SH2D3C: variants seen among roughly 807,000 people sequenced by gnomAD.
SH2D3C encodes the protein SH2 domain containing 3C.
In SH2D3C, 25 loss-of-function variants were observed where a neutral mutation model predicts 75.2. That is an observed-to-expected ratio of 0.33 (90% confidence interval 0.24 to 0.46). SH2D3C has a LOEUF of 0.46. Ranked by LOEUF, SH2D3C falls within the 20% of genes least tolerant of loss-of-function variation. The pLI, the probability that SH2D3C is intolerant of heterozygous loss-of-function variation, is 1.00. For synonymous variants in SH2D3C, 450 were observed against 473.7 expected, an observed-to-expected ratio of 0.95 and a Z score of 0.65; for missense variants, 933 against 1,165.3, an observed-to-expected ratio of 0.80 and a Z score of 2.90.
intron 3 of SH2D3C, among the ~76,000 whole-genome samples, chr9:127,756,854 G>A (rs1038049849): frequency 4.6e-5 from 7 of 151,560 alleles, no homozygotes; most frequent in Non-Finnish European, 5.9e-5. Flanking sequence ...CCGTGGTCTC[G>A]ATCTCCTGAC....
Position 127,777,710 on chromosome 9 carries a change from G to T in SH2D3C, c.37+881C>A, listed in dbSNP as rs576553299. ...TGGACTGCAGAGATCGAGAGACGCG[G>T]TGGGGAGACAAAGAGACGGATAAAG... On this transcript the variant is annotated intron_variant, in intron 1 of 11. Transcript: ENST00000314830. Among the ~76,000 whole-genome samples the T allele has an allele frequency of 3.9e-5, 6 of 152,282 alleles. No homozygotes were observed. In the South Asian group the frequency reaches 1.2e-3, roughly 32 times the overall value.
chr9:127,760,129 G>T (rs1588514682), intron 3 of SH2D3C, among the ~76,000 whole-genome samples: 1 of 151,878 alleles, frequency 6.6e-6, no homozygotes, highest in Non-Finnish European at 1.5e-5. Context: ...TTTAAGAGGT[G>T]GCTCTTAAAA....
At chr9:127,748,573 A>G (rs1259806358) in intron 5 of SH2D3C, among the ~76,000 whole-genome samples, 1 of 152,180 alleles carries the variant, frequency 6.6e-6, no homozygotes, top group Admixed American at 6.5e-5. Flanking sequence ...GTCCTCATCT[A>G]CAAATTGGGT....
Position 127,751,971 on chromosome 9 carries a change from C to G in SH2D3C, c.556-671G>C, listed in dbSNP as rs1845215747. Among the ~76,000 whole-genome samples, 1 of 152,162 alleles carries G rather than the reference C, an allele frequency of 6.6e-6. No homozygotes were observed. Among genetic ancestry groups the G allele is most frequent in the Admixed American group, 6.5e-5 (1 of 15,282 alleles). ...AAACAGACATCTGCATTGCCCCTTACAATTTCCAAGGCCATTTCTCCCTTG... is the reference window on the plus strand; with the variant it reads ...AAACAGACATCTGCATTGCCCCTTAGAATTTCCAAGGCCATTTCTCCCTTG... On this transcript the variant is annotated intron_variant, in intron 3 of 11. Coordinates refer to ENST00000314830, the MANE Select transcript of SH2D3C (RefSeq NM_170600.3). The surrounding 1 kb of genome is among the most constrained non-coding windows in gnomAD (Gnocchi z 4.1).
intron 3 of SH2D3C, among the ~76,000 whole-genome samples, chr9:127,757,629 TGA>T (rs762985898): frequency 0.16 from 19,526 of 122,840 alleles, 1,606 homozygotes; most frequent in East Asian, 0.39. Context: ...ATGATGATGA[TGA>T]TGATGATGAT....
At position 127,739,242 on chromosome 9, in the gene SH2D3C, G is replaced by C. The variant is rs1347098981; in HGVS notation, c.2408-321C>G. 6.6e-6 allele frequency among the ~76,000 whole-genome samples: 1 copy of C among 152,072 alleles called. No individual in the cohort carries two copies. The highest frequency in any genetic ancestry group is 2.4e-5 in the African/African-American group (1 of 41,390). ...TATACATTTTAGGCTGGGTGCGGTG[G>C]CTCACACCTGTAATCCCAGCACTTT... On this transcript the variant is annotated intron_variant, in intron 11 of 11. Coordinates refer to ENST00000314830, the MANE Select transcript of SH2D3C (RefSeq NM_170600.3). This position sits in a 1 kb window ranked among gnomAD's most constrained non-coding sequence, Gnocchi z 4.3.
In SH2D3C at chr9:127,745,196, G is replaced by A. The variant is rs970106460; in HGVS notation, c.1265-97C>T. On this transcript the variant is annotated intron_variant, in intron 6 of 11. Transcript: ENST00000314830. ...CAAAGAACAGGCTCCCTCACTCCTT[G>A]TAGGGAGTACAGAGGTGATGTCCCC... 22 of 1,049,740 alleles carry A rather than the reference G, an allele frequency of 2.1e-5. No individual in the cohort carries two copies. In the African/African-American group the frequency reaches 3.4e-4, roughly 16 times the overall value. 65.0% of individuals were successfully genotyped at this position (1,049,740 alleles called of 1,614,324 possible).
rs1325674154 is a variant in SH2D3C at position 127,773,984 on chromosome 9, A to T, written c.515+6T>A. The T allele has an allele frequency of 6.4e-7, 1 of 1,573,556 alleles. No homozygotes were observed. The highest frequency in any genetic ancestry group is 8.7e-7 in the Non-Finnish European group (1 of 1,146,080). On this transcript the variant is annotated splice_donor_region_variant and intron_variant, in intron 2 of 11. Transcript: ENST00000314830. ...TGCAGGTCCCAACCAGCCCCTGGGC[A>T]CCTACCTTTCTGAGTGCACGTCCCT...
chr9:127,773,519 C>T lies in SH2D3C; in HGVS notation c.515+471G>A, dbSNP rs898774812. On this transcript the variant is annotated intron_variant, in intron 2 of 11. Coordinates refer to ENST00000314830, the MANE Select transcript of SH2D3C (RefSeq NM_170600.3). ...AGCTTCCTCATCTGTCCTGTGGAAA[C>T]AGTAACAGTCTCTCCTTGCCAGTTT... Among the ~76,000 whole-genome samples the T allele has an allele frequency of 2.6e-5, 4 of 152,166 alleles. No individual in the cohort carries two copies. In the East Asian group the frequency reaches 5.8e-4, roughly 22 times the overall value.
rs777127360 is a variant in SH2D3C, at chr9:127,742,011, G to A, written c.1917-52C>T. ...GCGGGCTCGGGGACAGGGGTGAGGG[G>A]TGCGGGCCTGGGGCGCTGCCTGTGG... On this transcript the variant is annotated intron_variant, in intron 8 of 11. Transcript: ENST00000314830. The A allele has an allele frequency of 5.9e-6, 9 of 1,529,782 alleles. No homozygotes were observed. In the African/African-American group the frequency reaches 8.2e-5, roughly 14 times the overall value. 94.8% of individuals were successfully genotyped at this position (1,529,782 alleles called of 1,614,324 possible).
At position 127,738,779 on chromosome 9, in the gene SH2D3C, C is replaced by T; in HGVS notation, c.2550G>A (p.Lys850=). 6.2e-7 allele frequency: 1 copy of T among 1,608,498 alleles called. No individual in the cohort carries two copies. The highest frequency in any genetic ancestry group is 8.5e-7 in the Non-Finnish European group (1 of 1,177,564). ...FDKVLTALSH[K]LEPAVRSSEL ...CGCTGGAGCGGACAGCAGGTTCCAG[C>T]TTGTGGGACAGGGCAGTGAGGACCT... is the stretch of plus-strand genomic sequence containing the variant. The change falls in exon 12 of 12, where the codon AAG becomes AAA. Residue 850 remains lysine (K), a synonymous_variant. Transcript: ENST00000314830. The surrounding 1 kb of genome is among the most constrained non-coding windows in gnomAD (Gnocchi z 5.0).
At chr9:127,761,529 G>A (rs1347900026) in intron 3 of SH2D3C, 82 bp downstream of exon 3, 3 of 997,630 alleles carry the variant, frequency 3.0e-6, no homozygotes, top group East Asian at 2.6e-5. Context: ...CAAGGCTTGA[G>A]GAAGGGCTCT....
At position 127,739,659 on chromosome 9, in the gene SH2D3C, C is replaced by T. The variant is rs762970812; in HGVS notation, c.2407+23G>A. On this transcript the variant is annotated intron_variant, in intron 11 of 11. Coordinates refer to ENST00000314830, the MANE Select transcript of SH2D3C (RefSeq NM_170600.3). The surrounding 1 kb of genome is among the most constrained non-coding windows in gnomAD (Gnocchi z 4.3). The stretch of plus-strand genomic sequence containing the variant: ...AGGGAGGCCCAGGCCTGCAAGCCCC[C>T]CAAGATGCCACCCGCCACTCACCCT... 4 of 1,587,120 alleles carry T rather than the reference C, an allele frequency of 2.5e-6. No individual in the cohort carries two copies. The highest frequency in any genetic ancestry group is 3.4e-6 in the Non-Finnish European group (4 of 1,163,454).
intron 2 of SH2D3C, chr9:127,771,497 A>T: frequency 1.4e-6 from 1 of 696,814 alleles, no homozygotes; most frequent in Non-Finnish European, 2.1e-6. Flanking sequence ...CAGTGTCGGG[A>T]AGGCCTCGCC....
At chr9:127,765,651 C>T (rs1409610007) in intron 2 of SH2D3C, among the ~76,000 whole-genome samples, 1 of 152,196 alleles carries the variant, frequency 6.6e-6, no homozygotes, top group Non-Finnish European at 1.5e-5. Flanking sequence ...CCTAGAATGT[C>T]TTTGCTCCCT....
intron 2 of SH2D3C, among the ~76,000 whole-genome samples, chr9:127,770,564 C>T (rs1429611980): frequency 6.6e-6 from 1 of 152,146 alleles, no homozygotes; most frequent in Non-Finnish European, 1.5e-5. Context: ...AAGGAATGTT[C>T]AACAGTCCCT....
intron 1 of SH2D3C, among the ~76,000 whole-genome samples, chr9:127,775,576 G>A (rs569274588): frequency 2.0e-5 from 3 of 151,576 alleles, no homozygotes; most frequent in East Asian, 2.0e-4. Context: ...GCAGTGAGCC[G>A]AGATTGCACC....
Position 127,754,321 on chromosome 9 carries a change from A to AG in SH2D3C, c.556-3022dup, listed in dbSNP as rs1845293460. ...AGAGCCGACGCGCCTGGCATCTCCC[A>AG]GGGGGCTCAGGGGGCAGGAGCGCGG... is the stretch of plus-strand genomic sequence containing the variant. On this transcript the variant is annotated intron_variant, in intron 3 of 11. Transcript: ENST00000314830. The surrounding 1 kb of genome is among the most constrained non-coding windows in gnomAD (Gnocchi z 4.4). 6.6e-6 allele frequency among the ~76,000 whole-genome samples: 1 copy of AG among 152,038 alleles called. No individual in the cohort carries two copies. Among genetic ancestry groups the AG allele is most frequent in the Non-Finnish European group, 1.5e-5 (1 of 67,942 alleles).
rs1845199838 is a variant in SH2D3C, at chr9:127,751,463, A to T, written c.556-163T>A. On this transcript the variant is annotated intron_variant, in intron 3 of 11. Transcript: ENST00000314830. This position sits in a 1 kb window ranked among gnomAD's most constrained non-coding sequence, Gnocchi z 4.1. ...CCATGGGTCCCAGAAAGAGTAAAGA[A>T]ATCTCAATTCCTTCCACAAAACAAT... Among the ~76,000 whole-genome samples the T allele has an allele frequency of 6.6e-6, 1 of 152,228 alleles. No homozygotes were observed. The highest frequency in any genetic ancestry group is 1.5e-5 in the Non-Finnish European group (1 of 68,038).
Sources: gnomAD v4.1 joint callset for allele counts (sites outside exome capture counted in the v4.1 genomes callset) on GRCh38, gnomAD v4.1.1 for gene constraint, Gnocchi (gnomAD v3.1) non-coding constraint, MANE v1.5 for transcripts, NCBI Gene and HGNC (gene_info 2026-07-23, HGNC 2026-07-21) for gene names.